Variants in ATG10 observed in about 807,000 individuals in gnomAD.
ATG10 encodes the protein autophagy related 10.
ATG10 carries 30 observed loss-of-function variants against 32.1 expected under a neutral mutation model. The ratio of observed to expected loss-of-function variants is 0.94; its 90% CI spans 0.70 to 1.27. The LOEUF is 1.27. Among genes scored for constraint, ATG10 ranks in the 50% most tolerant of loss-of-function variants. The probability of loss-of-function intolerance (pLI) is 0.00; values close to 1 mark genes in which losing one functional copy is unlikely to be tolerated. For synonymous variants in ATG10, 87 were observed against 91.5 expected, an observed-to-expected ratio of 0.95 and a Z score of 0.28; for missense variants, 233 against 262.3, an observed-to-expected ratio of 0.89 and a Z score of 0.77.
intron 2 of ATG10, among the ~76,000 whole-genome samples, chr5:82,049,644 G>A (rs1763344271): frequency 6.6e-6 from 1 of 152,126 alleles, no homozygotes; most frequent in Admixed American, 6.6e-5. Context: ...AAAGCCCTAA[G>A]TGACATCAAA....
chr5:82,127,580 G>A lies in ATG10; in HGVS notation c.217-36819G>A, dbSNP rs546130701. ...CAGGAGCAGGTTGTTCATTTTCCATGCAGTTGTGCGGTTTTGAGTGAGTTT... is the reference window on the plus strand; with the variant it reads ...CAGGAGCAGGTTGTTCATTTTCCATACAGTTGTGCGGTTTTGAGTGAGTTT... On this transcript the variant is annotated intron_variant, in intron 3 of 7. Transcript: ENST00000282185. Among the ~76,000 whole-genome samples the A allele has an allele frequency of 6.6e-5, 10 of 152,248 alleles. No individual in the cohort carries two copies. The South Asian group carries it at 1.9e-3, about 28-fold the overall frequency.
At chr5:82,022,628 TC>T (rs1034571842) in intron 2 of ATG10, among the ~76,000 whole-genome samples, 3 of 120,588 alleles carry the variant, frequency 2.5e-5, no homozygotes, top group African/African-American at 8.7e-5. Flanking sequence ...CAGCCAGTAC[TC>T]TTTTTTTTTT....
intron 2 of ATG10, among the ~76,000 whole-genome samples, chr5:82,042,526 A>G (rs906674216): frequency 1.3e-5 from 2 of 152,192 alleles, no homozygotes; most frequent in Non-Finnish European, 2.9e-5. Flanking sequence ...GTCTTAATTC[A>G]TTTCAACATT....
Position 81,974,122 on chromosome 5 carries a change from G to A in ATG10, c.-13+1816G>A, listed in dbSNP as rs550899980. Among the ~76,000 whole-genome samples the A allele has an allele frequency of 2.6e-5, 4 of 152,212 alleles. No homozygotes were observed. In the South Asian group the frequency reaches 6.2e-4, roughly 24 times the overall value. ...AGCTTACAGAAGATTTCTTAAGATG[G>A]GCTTGATTTGATTATCTTTGAAACC... On this transcript the variant is annotated intron_variant, in intron 1 of 7. Coordinates refer to ENST00000282185, the MANE Select transcript of ATG10 (RefSeq NM_031482.5).
intron 5 of ATG10, among the ~76,000 whole-genome samples, chr5:82,209,588 G>T (rs961629840): frequency 6.6e-6 from 1 of 152,158 alleles, no homozygotes; most frequent in African/African-American, 2.4e-5. Flanking sequence ...AATGTCTGTT[G>T]TTTATAAACC....
At chr5:82,214,964 T>G (rs992361853) in intron 5 of ATG10, among the ~76,000 whole-genome samples, 1 of 152,364 alleles carries the variant, frequency 6.6e-6, no homozygotes, top group Middle Eastern at 3.4e-3. Flanking sequence ...CTAAATAGCA[T>G]GGATGAAGAC....
intron 3 of ATG10, among the ~76,000 whole-genome samples, chr5:82,070,361 A>C (rs931675880): frequency 9.2e-5 from 14 of 152,198 alleles, no homozygotes; most frequent in African/African-American, 2.9e-4. Flanking sequence ...TATTAAAATG[A>C]CTATTGGCTA....
intron 3 of ATG10, among the ~76,000 whole-genome samples, chr5:82,144,941 A>G (rs930310338): frequency 1.8e-4 from 27 of 152,014 alleles, no homozygotes; most frequent in African/African-American, 5.3e-4. Flanking sequence ...AGTTCTGTCA[A>G]TTTTTGCTTC....
chr5:81,986,208 C>G (rs1422538349), intron 1 of ATG10, among the ~76,000 whole-genome samples: 2 of 152,158 alleles, frequency 1.3e-5, no homozygotes, highest in African/African-American at 4.8e-5. Flanking sequence ...CTCTTTTTTA[C>G]TTTGATGTTT....
At chr5:82,064,905 A>G (rs1763893982) in intron 3 of ATG10, among the ~76,000 whole-genome samples, 1 of 152,186 alleles carries the variant, frequency 6.6e-6, no homozygotes, top group South Asian at 2.1e-4. Context: ...TGATATCTTT[A>G]TTCTCTTCAC....
intron 5 of ATG10, among the ~76,000 whole-genome samples, chr5:82,242,502 A>C (rs1219027846): frequency 6.6e-6 from 1 of 152,130 alleles, no homozygotes; most frequent in Non-Finnish European, 1.5e-5. Flanking sequence ...AAAGGCACTG[A>C]TATTTAGGTT....
chr5:81,991,612 G>A (rs985918798), intron 2 of ATG10, among the ~76,000 whole-genome samples: 1 of 152,044 alleles, frequency 6.6e-6, no homozygotes, highest in Non-Finnish European at 1.5e-5. Context: ...TGGCCAACAT[G>A]GTGAAACCCT....
chr5:82,126,807 G>A (rs575617352), intron 3 of ATG10, among the ~76,000 whole-genome samples: 2 of 152,366 alleles, frequency 1.3e-5, no homozygotes, highest in South Asian at 2.1e-4. Flanking sequence ...AAATGAGTTA[G>A]GGAGGAGTCC....
intron 2 of ATG10, among the ~76,000 whole-genome samples, chr5:82,025,553 G>A (rs1462358347): frequency 1.3e-5 from 2 of 152,304 alleles, no homozygotes; most frequent in African/African-American, 2.4e-5. Flanking sequence ...AAAGCTGAAA[G>A]TTGGGGATGA....
intron 3 of ATG10, among the ~76,000 whole-genome samples, chr5:82,110,962 A>G (rs1171038326): frequency 6.6e-6 from 1 of 152,054 alleles, no homozygotes; most frequent in African/African-American, 2.4e-5. Context: ...AATAGTAGAT[A>G]TGGTAGAAGA....
chr5:81,984,501 T>C (rs1761197245), intron 1 of ATG10, among the ~76,000 whole-genome samples: 2 of 152,220 alleles, frequency 1.3e-5, no homozygotes, highest in African/African-American at 4.8e-5. Flanking sequence ...TTACTGAGAG[T>C]TCACTTGAGT....
At chr5:81,987,155 C>T (rs1351940504) in intron 1 of ATG10, among the ~76,000 whole-genome samples, 2 of 152,124 alleles carry the variant, frequency 1.3e-5, no homozygotes, top group Non-Finnish European at 2.9e-5. Flanking sequence ...TGGGGTATCA[C>T]TCTGTCGCCC....
chr5:82,089,141 C>T (rs924845155), intron 3 of ATG10, among the ~76,000 whole-genome samples: 5 of 151,870 alleles, frequency 3.3e-5, no homozygotes, highest in South Asian at 2.1e-4. Context: ...CACCTTAGGT[C>T]GGGAGTTCGA....
At chr5:82,188,864 C>A (rs1265353186) in intron 5 of ATG10, among the ~76,000 whole-genome samples, 1 of 152,002 alleles carries the variant, frequency 6.6e-6, no homozygotes, top group Non-Finnish European at 1.5e-5. Flanking sequence ...GCAGTTATTG[C>A]ACATTATTTT....
Sources: gnomAD v4.1 joint callset for allele counts (sites outside exome capture counted in the v4.1 genomes callset) on GRCh38, gnomAD v4.1.1 for gene constraint, MANE v1.5 for transcripts, NCBI Gene and HGNC (gene_info 2026-07-23, HGNC 2026-07-21) for gene names.